The following ITGAE variants were observed in gnomAD, a reference collection of about 807,000 sequenced individuals.
ITGAE encodes the protein integrin alpha-E.
In ITGAE, 99 loss-of-function variants were observed where a neutral mutation model predicts 136.5. The observed-to-expected ratio is 0.73, with a 90% CI of 0.62 to 0.86. The LOEUF (loss-of-function observed/expected upper bound fraction) is 0.86, where lower values mean the gene tolerates loss of function less well. ITGAE is among the 40% of genes least tolerant of loss of function. The pLI is 0.00. For synonymous variants in ITGAE, 613 were observed against 591.8 expected, an observed-to-expected ratio of 1.04 and a Z score of -0.52; for missense variants, 1,447 against 1,515.3, an observed-to-expected ratio of 0.95 and a Z score of 0.75.
At chr17:3,738,182 C>CT (rs2051503293) in intron 20 of ITGAE, among the ~76,000 whole-genome samples, 1 of 151,718 alleles carries the variant, frequency 6.6e-6, no homozygotes, top group Non-Finnish European at 1.5e-5. Flanking sequence ...CCCTCCCCCC[C>CT]TCCCCGTTTT....
At chr17:3,731,332 T>G in intron 22 of ITGAE, 149 bp from the exon 23 acceptor site, 2 of 459,232 alleles carry the variant, frequency 4.4e-6, no homozygotes, top group Non-Finnish European at 3.9e-6. Context: ...TTCCTTTCCC[T>G]TCCTTTTTTT....
intron 19 of ITGAE, among the ~76,000 whole-genome samples, chr17:3,740,214 T>G (rs1013297822): frequency 6.6e-6 from 1 of 152,184 alleles, no homozygotes; most frequent in African/African-American, 2.4e-5. Context: ...GCTCACGACT[T>G]TGAGCATTCA....
At position 3,720,428 on chromosome 17, in the gene ITGAE, G is replaced by A. The variant is rs1217260328; in HGVS notation, c.3238-26C>T. The stretch of plus-strand genomic sequence containing the variant: ...CTAGAAGATGGGGAAAGGAATGAGG[G>A]AAACAAAACATATTTTAGACATGAA... On this transcript the variant is annotated intron_variant, in intron 28 of 30. Transcript: ENST00000263087. 3 of 1,024,868 alleles carry A rather than the reference G, an allele frequency of 2.9e-6. No individual in the cohort carries two copies. In the East Asian group the frequency reaches 7.1e-5, roughly 24 times the overall value. The allele number at this position is 1,024,868 out of a possible 1,614,324, so 63.5% of individuals were successfully genotyped here.
intron 28 of ITGAE, among the ~76,000 whole-genome samples, chr17:3,722,824 A>G (rs2472027): frequency 0.14 from 20,771 of 152,182 alleles, 4,736 homozygotes; most frequent in African/African-American, 0.47. Context: ...AAGCAGGGGA[A>G]TGGCACAATC....
At chr17:3,715,446 C>A (rs2567880) in intron 30 of ITGAE, among the ~76,000 whole-genome samples, 1 of 152,026 alleles carries the variant, frequency 6.6e-6, no homozygotes, top group Non-Finnish European at 1.5e-5. Context: ...GTCTCTAGAC[C>A]GCTTTCAGGG....
In ITGAE at chr17:3,750,346, C is replaced by A; in HGVS notation, c.2024+6G>T. The A allele has an allele frequency of 6.2e-7, 1 of 1,613,746 alleles. No homozygotes were observed. Among genetic ancestry groups the A allele is most frequent in the Non-Finnish European group, 8.5e-7 (1 of 1,179,856 alleles). On this transcript the variant is annotated splice_donor_region_variant and intron_variant, in intron 16 of 30. Transcript: ENST00000263087. ...TGGGACCCCAGAAAGCAGGACAGAA[C>A]CCTACCGGAACACAACCGCCTGGCC...
intron 20 of ITGAE, among the ~76,000 whole-genome samples, chr17:3,738,574 G>A (rs2143013458): frequency 6.6e-6 from 1 of 152,346 alleles, no homozygotes; most frequent in African/African-American, 2.4e-5. Flanking sequence ...TGCAGCGATG[G>A]AGACAGGCGG....
chr17:3,723,861 G>T lies in ITGAE; in HGVS notation c.3085-117C>A, dbSNP rs1045580245. On this transcript the variant is annotated intron_variant, in intron 26 of 30. Coordinates refer to ENST00000263087, the MANE Select transcript of ITGAE (RefSeq NM_002208.5). ...GCGCAGGGCCGGGAGCTAGGACCCCGCGGCAGGCGGGCGCGTCCGCGTCGC... is the reference window on the plus strand; with the variant it reads ...GCGCAGGGCCGGGAGCTAGGACCCCTCGGCAGGCGGGCGCGTCCGCGTCGC... The T allele has an allele frequency of 4.1e-5, 63 of 1,518,474 alleles. No homozygotes were observed. The Admixed American group carries it at 5.4e-4, about 13-fold the overall frequency. The allele number at this position is 1,518,474 out of a possible 1,614,324, so 94.1% of individuals were successfully genotyped here. A position where few individuals can be genotyped will look rare whatever the true frequency, so the allele number is the denominator to read the frequency against.
chr17:3,755,144 C>T lies in ITGAE; in HGVS notation c.1357G>A (p.Ala453Thr), dbSNP rs746221599. 1 of 1,587,244 alleles carries T rather than the reference C, an allele frequency of 6.3e-7. No individual in the cohort carries two copies. Among genetic ancestry groups the T allele is most frequent in the Non-Finnish European group, 8.5e-7 (1 of 1,170,936 alleles). Reference sequence around the variant, plus strand: ...AGGTAGCTGTACTGCGCAGCCTCCGCGTCTGCCGCCGCCGCCGCTGTCTGG... The same window carrying T: ...AGGTAGCTGTACTGCGCAGCCTCCGTGTCTGCCGCCGCCGCCGCTGTCTGG... Reference protein sequence around the residue: ...LNQTAAAAADAEAAQYSYLGY... With the variant: ...LNQTAAAAADTEAAQYSYLGY... Residue 453 changes from alanine to threonine, a missense_variant, in exon 12 of 31, where the codon GCG (alanine) becomes ACG (threonine). By Grantham distance (58) the Ala-to-Thr change is moderately conservative (BLOSUM62 0). Around this residue, in one of 3 missense-constraint regions of ITGAE, gnomAD observed 1,031 missense variants for 1,011.4 expected, o/e 1.02. Transcript: ENST00000263087.
chr17:3,785,360 T>C (rs1428102984), intron 1 of ITGAE, among the ~76,000 whole-genome samples: 1 of 151,484 alleles, frequency 6.6e-6, no homozygotes, highest in Admixed American at 6.6e-5. Context: ...TCCCAACCAC[T>C]TGGGAGGCTG....
At chr17:3,731,291 A>C in intron 22 of ITGAE, 108 bp from the exon 23 acceptor site, 2 of 747,030 alleles carry the variant, frequency 2.7e-6, no homozygotes, top group East Asian at 2.6e-5. Context: ...TCAGATTTTC[A>C]CATTCCTCAC....
intron 30 of ITGAE, 35 bp from the exon 31 acceptor site, chr17:3,714,977 C>A: frequency 8.1e-7 from 1 of 1,239,618 alleles, no homozygotes; most frequent in Non-Finnish European, 1.2e-6. Flanking sequence ...AGTTACAGGC[C>A]AAAGATAGCC....
intron 3 of ITGAE, among the ~76,000 whole-genome samples, chr17:3,762,530 T>G (rs2052198299): frequency 6.6e-6 from 1 of 151,010 alleles, no homozygotes; most frequent in Non-Finnish European, 1.5e-5. Flanking sequence ...ATGGAATCAC[T>G]CAGTCAACCC....
At chr17:3,716,832 G>T in intron 29 of ITGAE, 34 bp from the exon 30 acceptor site, 1 of 1,260,646 alleles carries the variant, frequency 7.9e-7, no homozygotes, top group Non-Finnish European at 1.1e-6. Flanking sequence ...CAATAAATCA[G>T]GTGAAGCAAA....
At position 3,799,524 on chromosome 17, in the gene ITGAE, A is replaced by G. The variant is rs2053199038; in HGVS notation, c.34+1587T>C. ...GCCACAGGAGTATTCTGGAGCTGGG[A>G]GGCAGGACAGAGGCCTGGGCTTGAG... On this transcript the variant is annotated intron_variant, in intron 1 of 30. Transcript: ENST00000263087. The surrounding 1 kb of genome is among the most constrained non-coding windows in gnomAD (Gnocchi z 4.1). Among the ~76,000 whole-genome samples, 1 of 152,126 alleles carries G rather than the reference A, an allele frequency of 6.6e-6. No individual in the cohort carries two copies. Among genetic ancestry groups the G allele is most frequent in the Non-Finnish European group, 1.5e-5 (1 of 68,028 alleles).
At chr17:3,786,813 C>T (rs2052809389) in intron 1 of ITGAE, among the ~76,000 whole-genome samples, 1 of 150,590 alleles carries the variant, frequency 6.6e-6, no homozygotes, top group African/African-American at 2.4e-5. Flanking sequence ...TCACTTGAAC[C>T]CGGGAGGCGG....
chr17:3,752,724 C>A lies in ITGAE; in HGVS notation c.1668+566G>T, dbSNP rs560534084. On this transcript the variant is annotated intron_variant, in intron 14 of 30. Coordinates refer to ENST00000263087, the MANE Select transcript of ITGAE (RefSeq NM_002208.5). ...TGAGATTGCACCATTGCACTCCAGC[C>A]TGGACAACAGAGTGAGACTCAGTCT... 8.8e-5 allele frequency among the ~76,000 whole-genome samples: 13 copies of A among 148,354 alleles called. No homozygotes were observed. The East Asian group carries it at 2.0e-3, about 23-fold the overall frequency.
chr17:3,735,660 C>T (rs929945415), intron 20 of ITGAE, among the ~76,000 whole-genome samples: 7 of 152,168 alleles, frequency 4.6e-5, no homozygotes, highest in Non-Finnish European at 7.3e-5. Flanking sequence ...CTAAGGAATA[C>T]GTTTAGCTTA....
intron 1 of ITGAE, among the ~76,000 whole-genome samples, chr17:3,792,805 G>A (rs2052975166): frequency 6.6e-6 from 1 of 152,152 alleles, no homozygotes; most frequent in Non-Finnish European, 1.5e-5. Context: ...AATGCCATGC[G>A]GTGTCCACAA....
Sources: allele counts gnomAD v4.1 joint callset (sites outside exome capture counted in the v4.1 genomes callset), GRCh38; gene constraint gnomAD v4.1.1; regional missense constraint gnomAD v4.1.1; non-coding constraint Gnocchi (gnomAD v3.1); transcripts MANE v1.5; gene names NCBI Gene and HGNC (gene_info 2026-07-23, HGNC 2026-07-21).